Variants in DOCK1 observed in about 807,000 individuals in gnomAD.
The protein encoded by DOCK1 is dedicator of cytokinesis 1.
DOCK1 carries 138 observed loss-of-function variants against 262.7 expected under a neutral mutation model. The ratio of observed to expected loss-of-function variants is 0.53; its 90% confidence interval spans 0.46 to 0.61. The LOEUF (loss-of-function observed/expected upper bound fraction) is 0.61. Among genes scored for constraint, DOCK1 ranks in the 20% least tolerant of loss-of-function variants. The pLI is 0.00. For synonymous variants in DOCK1, 866 were observed against 867.4 expected, an observed-to-expected ratio of 1.00 and a Z score of 0.03; for missense variants, 1,908 against 2,370.7, an observed-to-expected ratio of 0.80 and a Z score of 4.05.
intron 6 of DOCK1, among the ~76,000 whole-genome samples, chr10:126,993,686 T>C (rs1323388316): frequency 6.6e-6 from 1 of 152,258 alleles, no homozygotes; most frequent in Non-Finnish European, 1.5e-5. Context: ...GCAAAAAGCC[T>C]CTATTTGTTT....
intron 29 of DOCK1, among the ~76,000 whole-genome samples, chr10:127,327,024 C>G (rs2062773973): frequency 2.6e-5 from 4 of 152,230 alleles, no homozygotes; most frequent in Non-Finnish European, 5.9e-5. Context: ...ATGCTCCAAA[C>G]AGATGTGCTG....
intron 27 of DOCK1, among the ~76,000 whole-genome samples, chr10:127,226,699 G>C (rs1315900752): frequency 6.6e-6 from 1 of 152,106 alleles, no homozygotes; most frequent in Admixed American, 6.5e-5. Flanking sequence ...AGCCAAGATC[G>C]TGCTACTGCA....
At chr10:126,939,104 C>G (rs918836887) in intron 1 of DOCK1, among the ~76,000 whole-genome samples, 9 of 151,058 alleles carry the variant, frequency 6.0e-5, no homozygotes, top group African/African-American at 1.2e-4. Context: ...AGGGGATGAA[C>G]ACAGGAGGGG....
At chr10:127,260,092 A>T (rs1188327443) in intron 29 of DOCK1, among the ~76,000 whole-genome samples, 1 of 152,148 alleles carries the variant, frequency 6.6e-6, no homozygotes, top group African/African-American at 2.4e-5. Flanking sequence ...ATTTGCTGCA[A>T]ACCAGTGGCA....
At chr10:127,237,966 T>G (rs1266866564) in intron 27 of DOCK1, among the ~76,000 whole-genome samples, 1 of 152,252 alleles carries the variant, frequency 6.6e-6, no homozygotes, top group African/African-American at 2.4e-5. Flanking sequence ...TCACTACATA[T>G]TAACATTTTG....
intron 13 of DOCK1, among the ~76,000 whole-genome samples, chr10:127,021,697 G>A (rs1268981338): frequency 1.3e-5 from 2 of 152,186 alleles, no homozygotes; most frequent in Non-Finnish European, 2.9e-5. Context: ...ATCAGTGGGC[G>A]GCAGCCGCGC....
At chr10:127,226,079 CA>C (rs58963480) in intron 27 of DOCK1, among the ~76,000 whole-genome samples, 1,081 of 94,576 alleles carry the variant, frequency 0.011, 3 homozygotes, top group Middle Eastern at 0.02. Context: ...GACTCTGTCT[CA>C]AAAAAAAAAA....
chr10:127,211,437 G>A lies in DOCK1; in HGVS notation c.2848-36571G>A, dbSNP rs149046753. Among the ~76,000 whole-genome samples the A allele has an allele frequency of 4.6e-3, 704 of 152,248 alleles. 5 individuals carry two copies. Among genetic ancestry groups the A allele is most frequent in the Middle Eastern group, 6.8e-3 (2 of 294 alleles). On this transcript the variant is annotated intron_variant, in intron 27 of 51. Coordinates refer to ENST00000623213, the MANE Select transcript of DOCK1 (RefSeq NM_001290223.2). Reference sequence around the variant, plus strand: ...TAGCAAAGCTGCCGTTTGTGTCTCCGATTTGGTGTCTTTATAGACATCGCC... The same window carrying A: ...TAGCAAAGCTGCCGTTTGTGTCTCCAATTTGGTGTCTTTATAGACATCGCC...
intron 30 of DOCK1, among the ~76,000 whole-genome samples, chr10:127,342,395 C>T (rs937608172): frequency 6.6e-6 from 1 of 152,174 alleles, no homozygotes; most frequent in East Asian, 1.9e-4. Context: ...GGGTGCCTGG[C>T]TCAGACCCCC....
chr10:127,078,608 G>A (rs563766453), intron 23 of DOCK1, among the ~76,000 whole-genome samples: 7 of 152,306 alleles, frequency 4.6e-5, no homozygotes, highest in African/African-American at 1.7e-4. Context: ...TCTACCCAGA[G>A]GAAAAGAAGT....
chr10:127,337,294 A>G (rs1294379067), intron 29 of DOCK1, among the ~76,000 whole-genome samples: 1 of 152,144 alleles, frequency 6.6e-6, no homozygotes, highest in Non-Finnish European at 1.5e-5. Flanking sequence ...TACTTAGACC[A>G]TCTCTCTAGC....
intron 11 of DOCK1, among the ~76,000 whole-genome samples, chr10:127,011,012 C>T (rs1236884248): frequency 6.6e-6 from 1 of 152,208 alleles, no homozygotes; most frequent in Non-Finnish European, 1.5e-5. Flanking sequence ...TTTAGATTCA[C>T]TGATTTTCAC....
intron 35 of DOCK1, among the ~76,000 whole-genome samples, chr10:127,375,806 G>A (rs1005994242): frequency 2.0e-4 from 31 of 152,284 alleles, no homozygotes; most frequent in Non-Finnish European, 3.5e-4. Context: ...AGCATGTAAA[G>A]AGCTTGCAAA....
intron 25 of DOCK1, 146 bp from the exon 26 acceptor site, chr10:127,125,328 C>T (rs1365793470): frequency 2.9e-6 from 3 of 1,035,208 alleles, no homozygotes; most frequent in Non-Finnish European, 4.2e-6. Flanking sequence ...TTCTCACAGT[C>T]AAGTAATTGA....
chr10:127,280,187 A>C (rs1269113616), intron 29 of DOCK1, among the ~76,000 whole-genome samples: 3 of 151,254 alleles, frequency 2.0e-5, no homozygotes, highest in African/African-American at 7.3e-5. Context: ...GGCACCCGCC[A>C]CCGCACCCGG....
chr10:127,103,664 G>A (rs937506560), intron 23 of DOCK1, among the ~76,000 whole-genome samples: 2 of 152,180 alleles, frequency 1.3e-5, no homozygotes, highest in Non-Finnish European at 2.9e-5. Flanking sequence ...CTAGTGCTGC[G>A]TGACTTTGGA....
chr10:126,922,050 GAAAATTTA>G (rs2033251752), intron 1 of DOCK1, among the ~76,000 whole-genome samples: 1 of 151,698 alleles, frequency 6.6e-6, no homozygotes, highest in Admixed American at 6.6e-5. Context: ...CATCTCTACA[GAAAATTTA>G]AAAATTAGCC....
intron 29 of DOCK1, among the ~76,000 whole-genome samples, chr10:127,324,257 C>A (rs956250357): frequency 1.3e-5 from 2 of 152,228 alleles, no homozygotes; most frequent in African/African-American, 4.8e-5. Flanking sequence ...ACAATCAGCA[C>A]CAGCCACGTC....
chr10:126,990,005 G>C (rs1467678939), intron 5 of DOCK1, among the ~76,000 whole-genome samples: 2 of 152,164 alleles, frequency 1.3e-5, no homozygotes, highest in Non-Finnish European at 2.9e-5. Context: ...CAGGTTCTCA[G>C]TGTGCTGAGA....
Sources: gnomAD v4.1 joint callset for allele counts (sites outside exome capture counted in the v4.1 genomes callset) on GRCh38, gnomAD v4.1.1 for gene constraint, MANE v1.5 for transcripts, NCBI Gene and HGNC (gene_info 2026-07-23, HGNC 2026-07-21) for gene names.